The following KLHL7 variants were observed in gnomAD, a reference collection of about 807,000 sequenced individuals.
KLHL7 encodes kelch like family member 7.
In KLHL7, 44 loss-of-function variants were observed where a neutral mutation model predicts 67.4. The ratio of observed to expected loss-of-function variants is 0.65; its 90% CI spans 0.51 to 0.84. The LOEUF is 0.84. KLHL7 is among the 40% of genes least tolerant of loss of function. The pLI, the probability that KLHL7 is intolerant of heterozygous loss-of-function variation, is 0.00. For synonymous variants in KLHL7, 252 were observed against 243.3 expected, an observed-to-expected ratio of 1.04 and a Z score of -0.33; for missense variants, 362 against 718.1, an observed-to-expected ratio of 0.50 and a Z score of 5.67.
At chr7:23,109,882 T>C (rs1782794913) in intron 1 of KLHL7, among the ~76,000 whole-genome samples, 1 of 152,210 alleles carries the variant, frequency 6.6e-6, no homozygotes, top group African/African-American at 2.4e-5. Context: ...CTTTACTGTT[T>C]TCTGTTTTCT....
intron 4 of KLHL7, among the ~76,000 whole-genome samples, chr7:23,126,967 T>C (rs972020634): frequency 2.0e-5 from 3 of 152,186 alleles, no homozygotes; most frequent in African/African-American, 4.8e-5. Context: ...AGAGACACTC[T>C]GGCATGAGTC....
At chr7:23,106,272 C>G in intron 1 of KLHL7, 126 bp downstream of exon 1, 1 of 1,528,738 alleles carries the variant, frequency 6.5e-7, no homozygotes, top group South Asian at 1.2e-5. Context: ...GCCCCTCCTT[C>G]CGTTTTCGCA....
At chr7:23,124,973 T>A (rs892573286) in intron 3 of KLHL7, 75 bp from the exon 4 acceptor site, 27 of 1,370,488 alleles carry the variant, frequency 2.0e-5, no homozygotes, top group African/African-American at 2.9e-5. Flanking sequence ...CAGGGGCTAT[T>A]AGGATACATT....
chr7:23,168,038 G>A lies in KLHL7; in HGVS notation c.1379+1G>A, dbSNP rs766950664. 41 of 1,612,060 alleles carry A rather than the reference G, an allele frequency of 2.5e-5. No individual in the cohort carries two copies. Among genetic ancestry groups the A allele is most frequent in the Admixed American group, 5.0e-5 (3 of 60,000 alleles). On this transcript the variant is annotated splice_donor_variant, in intron 9 of 10. Coordinates refer to ENST00000339077, the MANE Select transcript of KLHL7 (RefSeq NM_001031710.3). LOFTEE classifies it high-confidence loss of function. ...AAGTTTATGATCCTGCCACAGAAAC[G>A]TATGTATCTATTTAAAATTTATTTT... is the stretch of plus-strand genomic sequence containing the variant.
In KLHL7 at chr7:23,117,820, C is replaced by G. The variant is rs779540667; in HGVS notation, c.121-5957C>G. On this transcript the variant is annotated intron_variant, in intron 1 of 10. Transcript: ENST00000339077. ...CCCATCTAATAAGGGCCTCATTTCC[C>G]TTTATGTTTTCAGTGATTTAAATCT... The G allele has an allele frequency of 4.4e-6, 7 of 1,597,268 alleles. No homozygotes were observed. In the East Asian group the frequency reaches 1.6e-4, roughly 36 times the overall value.
Position 23,106,160 on chromosome 7 carries a change from G to T in KLHL7, c.120+14G>T. The T allele has an allele frequency of 6.2e-7, 1 of 1,608,322 alleles. No homozygotes were observed. Among genetic ancestry groups the T allele is most frequent in the Non-Finnish European group, 8.5e-7 (1 of 1,177,552 alleles). ...ATGCGGAAACAGGTACCGCCTCTGT[G>T]GGAGTGACGGACGACGGTGGGAGGT... is the stretch of plus-strand genomic sequence containing the variant. On this transcript the variant is annotated intron_variant, in intron 1 of 10. Coordinates refer to ENST00000339077, the MANE Select transcript of KLHL7 (RefSeq NM_001031710.3).
At chr7:23,157,440 A>G (rs991499984) in intron 7 of KLHL7, among the ~76,000 whole-genome samples, 3 of 152,216 alleles carry the variant, frequency 2.0e-5, no homozygotes, top group Non-Finnish European at 2.9e-5. Context: ...AGCCAGGGGT[A>G]AACAGTGTTC....
Position 23,165,378 on chromosome 7 carries a change from G to A in KLHL7, c.937-320G>A, listed in dbSNP as rs1784973401. On this transcript the variant is annotated intron_variant, in intron 7 of 10. Transcript: ENST00000339077. ...TTAAAAAATAAAACAACTTATTTTA[G>A]AATCTTCTTGTATTGTCTTCAATAA... Among the ~76,000 whole-genome samples the A allele has an allele frequency of 2.0e-5, 3 of 152,224 alleles. No homozygotes were observed. The South Asian group carries it at 6.2e-4, about 32-fold the overall frequency.
rs564189465 is a variant in KLHL7 at position 23,137,906 on chromosome 7, G to A, written c.443-2863G>A. 6.5e-4 allele frequency among the ~76,000 whole-genome samples: 98 copies of A among 151,334 alleles called. 1 individual carries two copies. Among genetic ancestry groups the A allele is most frequent in the African/African-American group, 2.0e-3 (83 of 41,336 alleles). ...AAAGCATAAAACCTGGCCAGGCATGGTGGCTTATGCCTGTAATCCCAGCAC... is the reference window on the plus strand; with the variant it reads ...AAAGCATAAAACCTGGCCAGGCATGATGGCTTATGCCTGTAATCCCAGCAC... On this transcript the variant is annotated intron_variant, in intron 4 of 10. Transcript: ENST00000339077.
intron 1 of KLHL7, among the ~76,000 whole-genome samples, chr7:23,119,532 G>T (rs1374786779): frequency 6.6e-6 from 1 of 152,152 alleles, no homozygotes; most frequent in Non-Finnish European, 1.5e-5. Context: ...AACATTCATA[G>T]TTTACATTAG....
intron 1 of KLHL7, among the ~76,000 whole-genome samples, chr7:23,113,774 C>A (rs1782973351): frequency 6.6e-6 from 1 of 152,042 alleles, no homozygotes; most frequent in African/African-American, 2.4e-5. Context: ...TGTTGTGAGC[C>A]GAGATCGTGC....
chr7:23,130,815 A>G (rs1293707454), intron 4 of KLHL7, among the ~76,000 whole-genome samples: 2 of 152,238 alleles, frequency 1.3e-5, no homozygotes, highest in African/African-American at 4.8e-5. Flanking sequence ...GATTAAGAGT[A>G]AACCTATGGC....
At chr7:23,172,418 T>C (rs1408111639) in intron 9 of KLHL7, among the ~76,000 whole-genome samples, 1 of 152,214 alleles carries the variant, frequency 6.6e-6, no homozygotes, top group Non-Finnish European at 1.5e-5. Flanking sequence ...AGCATAAAGT[T>C]CTTAGTGTAG....
At chr7:23,167,778 C>A in intron 8 of KLHL7, 58 bp from the exon 9 acceptor site, 3 of 1,509,128 alleles carry the variant, frequency 2.0e-6, no homozygotes, top group South Asian at 1.1e-5. Context: ...ACAGTCAGTT[C>A]TTTCCAAACC....
intron 1 of KLHL7, among the ~76,000 whole-genome samples, chr7:23,120,515 C>T (rs971815098): frequency 2.0e-5 from 3 of 152,126 alleles, no homozygotes; most frequent in Non-Finnish European, 1.5e-5. Flanking sequence ...CTCTCAAACG[C>T]TTATTTCTCT....
At position 23,107,791 on chromosome 7, in the gene KLHL7, G is replaced by C. The variant is rs1782704967; in HGVS notation, c.120+1645G>C. Among the ~76,000 whole-genome samples, 4 of 152,324 alleles carry C rather than the reference G, an allele frequency of 2.6e-5. No individual in the cohort carries two copies. The South Asian group carries it at 8.3e-4, about 32-fold the overall frequency. On this transcript the variant is annotated intron_variant, in intron 1 of 10. Transcript: ENST00000339077. ...AATCTGCCAGGTTCTCCTGTTGTCA[G>C]TGGTTTGGCATGTGATTCAAACAGT...
intron 4 of KLHL7, among the ~76,000 whole-genome samples, chr7:23,125,568 A>C (rs1437459699): frequency 6.6e-6 from 1 of 152,202 alleles, no homozygotes; most frequent in African/African-American, 2.4e-5. Context: ...TCACATAGCT[A>C]GTGTATGAAC....
At chr7:23,155,605 A>G (rs532205435) in intron 7 of KLHL7, among the ~76,000 whole-genome samples, 297 of 151,908 alleles carry the variant, frequency 2.0e-3, no homozygotes, top group Middle Eastern at 0.014. Context: ...TGGAGGTTGC[A>G]GTGAGCTGAG....
chr7:23,149,785 C>G (rs745574327), intron 6 of KLHL7, among the ~76,000 whole-genome samples: 7 of 152,234 alleles, frequency 4.6e-5, no homozygotes, highest in Non-Finnish European at 8.8e-5. Context: ...TTTCAGACCC[C>G]TGACCTAGAG....
Sources: gnomAD v4.1 joint callset for allele counts (sites outside exome capture counted in the v4.1 genomes callset) on GRCh38, gnomAD v4.1.1 for gene constraint, MANE v1.5 for transcripts, NCBI Gene and HGNC (gene_info 2026-07-23, HGNC 2026-07-21) for gene names.